The following ABCC6 variants were observed in gnomAD, a reference collection of about 807,000 sequenced individuals.
The protein encoded by ABCC6 is ATP binding cassette subfamily C member 6, also known as ATP-binding cassette sub-family C member 6.
In ABCC6, 126 loss-of-function variants were observed where a neutral mutation model predicts 169.5. The observed-to-expected ratio is 0.74, with a 90% CI of 0.64 to 0.86. ABCC6 has a LOEUF of 0.86. Ranked by LOEUF, ABCC6 falls within the 40% of genes least tolerant of loss-of-function variation. The pLI is 0.00. For missense variants in ABCC6, 1,733 were observed against 1,927.2 expected (o/e 0.90, Z 1.89); for synonymous variants, 752 against 814.7 (o/e 0.92, Z 1.31).
At chr16:16,152,885 G>A (rs2046430085) in intron 29 of ABCC6, among the ~76,000 whole-genome samples, 1 of 146,454 alleles carries the variant, frequency 6.8e-6, no homozygotes, top group African/African-American at 2.4e-5. Flanking sequence ...TATAAATCCA[G>A]AACACCTTAG....
intron 27 of ABCC6, among the ~76,000 whole-genome samples, chr16:16,156,859 C>G (rs1191857643): frequency 6.8e-6 from 1 of 147,566 alleles, no homozygotes; most frequent in Non-Finnish European, 1.5e-5. Context: ...AGGAGAATCA[C>G]TTGAATCTGG....
intron 4 of ABCC6, among the ~76,000 whole-genome samples, chr16:16,217,672 G>C (rs2048927822): frequency 6.6e-6 from 1 of 152,242 alleles, no homozygotes. Flanking sequence ...TATGGTCCCA[G>C]TATTATTGTT....
intron 22 of ABCC6, among the ~76,000 whole-genome samples, chr16:16,167,818 C>T (rs916705595): frequency 6.6e-6 from 1 of 152,162 alleles, no homozygotes; most frequent in Non-Finnish European, 1.5e-5. Flanking sequence ...ACCAATTTCT[C>T]TCTCTCAGCT....
chr16:16,156,722 T>C (rs1426447732), intron 27 of ABCC6, among the ~76,000 whole-genome samples: 1 of 149,276 alleles, frequency 6.7e-6, no homozygotes, highest in Non-Finnish European at 1.5e-5. Context: ...CCGAGGGGGG[T>C]GATTGAGGTC....
At chr16:16,200,243 C>T (rs2048193207) in intron 9 of ABCC6, among the ~76,000 whole-genome samples, 1 of 151,818 alleles carries the variant, frequency 6.6e-6, no homozygotes, top group African/African-American at 2.4e-5. Context: ...ACCAGCTTGG[C>T]CAACATGGTA....
chr16:16,166,814 C>T (rs1327412393), intron 22 of ABCC6, among the ~76,000 whole-genome samples: 1 of 152,102 alleles, frequency 6.6e-6, no homozygotes, highest in African/African-American at 2.4e-5. Flanking sequence ...ACACTGGAAC[C>T]CAGGAGGCAG....
chr16:16,182,627 G>T, intron 16 of ABCC6, 39 bp from the exon 17 acceptor site: 1 of 1,606,094 alleles, frequency 6.2e-7, no homozygotes, highest in Non-Finnish European at 8.5e-7. Flanking sequence ...AGGATGATGG[G>T]GACAGAGGTG....
Position 16,166,071 on chromosome 16 carries a change from G to A in ABCC6, c.2996-138C>T, listed in dbSNP as rs908822643. 3 of 868,748 alleles carry A rather than the reference G, an allele frequency of 3.5e-6. No individual in the cohort carries two copies. In the African/African-American group the frequency reaches 5.1e-5, roughly 15 times the overall value. 53.8% of individuals were successfully genotyped at this position (868,748 alleles called of 1,614,324 possible). ...CACCCTGATTATTATATTTTTTTGA[G>A]ACAGGGTCTCACTCTGTCACCCATG... On this transcript the variant is annotated intron_variant, in intron 22 of 30. Coordinates refer to ENST00000205557, the MANE Select transcript of ABCC6 (RefSeq NM_001171.6).
chr16:16,178,273 G>A (rs569342780), intron 18 of ABCC6, among the ~76,000 whole-genome samples: 3 of 152,240 alleles, frequency 2.0e-5, no homozygotes, highest in African/African-American at 7.2e-5. Flanking sequence ...CTTCCAGTGA[G>A]CGGAGATCGC....
At chr16:16,176,615 A>G (rs1366295155) in intron 19 of ABCC6, among the ~76,000 whole-genome samples, 2 of 152,224 alleles carry the variant, frequency 1.3e-5, no homozygotes, top group African/African-American at 4.8e-5. Flanking sequence ...GGCCAGTGCT[A>G]AGCAGATGTT....
At position 16,177,348 on chromosome 16, in the gene ABCC6, G is replaced by T; in HGVS notation, c.2590+104C>A. 4 of 1,324,658 alleles carry T rather than the reference G, an allele frequency of 3.0e-6. 1 individual carries two copies. In the South Asian group the frequency reaches 3.5e-5, roughly 12 times the overall value. 82.1% of individuals were successfully genotyped at this position (1,324,658 alleles called of 1,614,324 possible). A position where few individuals can be genotyped will look rare whatever the true frequency, so the allele number is the denominator to read the frequency against. On this transcript the variant is annotated intron_variant, in intron 19 of 30. Transcript: ENST00000205557. ...CTTCCAGGCCTAGGCCTGCAGACAG[G>T]GTGTGGCCAGAGCACTCCATTCATG...
Position 16,169,721 on chromosome 16 carries a change from C to T in ABCC6, c.2920G>A (p.Asp974Asn), listed in dbSNP as rs867208251. The part of the protein sequence containing the change: ...RGYWLSLWAD[D>N]PAVGGQQTQA... ...GTCTGCTGCCCACCTACTGCAGGGT[C>T]GTCCGCCCACAGGCTCAGCCAGTAG... Residue 974 changes from aspartate (D) to asparagine (N), a missense_variant, in exon 22 of 31, where the codon GAC becomes AAC. Around this residue, in one of 5 missense-constraint regions of ABCC6, gnomAD observed 1,601 missense variants for 1,635.5 expected, o/e 0.98. Coordinates refer to ENST00000205557, the MANE Select transcript of ABCC6 (RefSeq NM_001171.6). 6.2e-6 allele frequency: 10 copies of T among 1,610,370 alleles called. No homozygotes were observed. The highest frequency in any genetic ancestry group is 4.0e-5 in the African/African-American group (3 of 74,982).
chr16:16,179,957 G>C (rs2047416137), intron 17 of ABCC6, among the ~76,000 whole-genome samples: 1 of 152,138 alleles, frequency 6.6e-6, no homozygotes, highest in African/African-American at 2.4e-5. Context: ...TGGGAGCCCT[G>C]AGCTTGTTTT....
chr16:16,171,983 A>G (rs115157548), intron 21 of ABCC6, among the ~76,000 whole-genome samples: 285 of 84,938 alleles, frequency 3.4e-3, no homozygotes, highest in East Asian at 5.7e-3. Context: ...ATGGATAAAT[A>G]AGTGGATGGG....
chr16:16,188,760 G>T (rs2047738354), intron 13 of ABCC6, 71 bp downstream of exon 13: 3 of 1,542,090 alleles, frequency 1.9e-6, no homozygotes, highest in Non-Finnish European at 2.6e-6. Flanking sequence ...AATGGCAGGG[G>T]TAGGGAAGCT....
Position 16,203,547 on chromosome 16 carries a change from G to T in ABCC6, c.861C>A (p.Pro287=), listed in dbSNP as rs766642486. ...GSGMKAPETE[P]FLRQEGSQWR... ...ACTGGCTCCCTTCTTGCCGTAGGAA[G>T]GGCTCGGTCTCTGGAGCCTTCATGC... is the stretch of plus-strand genomic sequence containing the variant. Residue 287 remains proline (P), a synonymous_variant, in exon 8 of 31, where the codon CCC becomes CCA. Coordinates refer to ENST00000205557, the MANE Select transcript of ABCC6 (RefSeq NM_001171.6). The T allele has an allele frequency of 1.9e-6, 3 of 1,613,922 alleles. No homozygotes were observed. The East Asian group carries it at 6.7e-5, about 36-fold the overall frequency.
intron 11 of ABCC6, among the ~76,000 whole-genome samples, chr16:16,191,637 TCTTTC>T (rs199529931): frequency 4.2e-5 from 3 of 71,568 alleles, no homozygotes; most frequent in Non-Finnish European, 9.6e-5. Context: ...CTTTCTTCCC[TCTTTC>T]CTTTTATTTC....
chr16:16,169,363 G>A (rs2046983692), intron 22 of ABCC6, among the ~76,000 whole-genome samples: 2 of 152,164 alleles, frequency 1.3e-5, no homozygotes, highest in Non-Finnish European at 2.9e-5. Flanking sequence ...GAGGTTTGGG[G>A]GCAGGCACTG....
chr16:16,208,804 C>T lies in ABCC6; in HGVS notation c.718G>A (p.Gly240Arg), dbSNP rs752492902. ...PLRPKDLWSL[G>R]RENSSEELVS... Reference sequence around the variant, plus strand: ...AGTTCTTCTGAGGAGTTTTCTCTCCCAAGCGACCAGAGGTCTTTTGGTCTC... The same window carrying T: ...AGTTCTTCTGAGGAGTTTTCTCTCCTAAGCGACCAGAGGTCTTTTGGTCTC... The change falls in exon 7 of 31, where the codon GGG becomes AGG. Residue 240 changes from glycine (G) to arginine (R), a missense_variant. Physicochemically the swap from Gly to Arg is moderately radical, Grantham distance 125. This residue lies in a region of ABCC6 where 1,601 missense variants were observed against 1,635.5 expected (regional missense o/e 0.98). Coordinates refer to ENST00000205557, the MANE Select transcript of ABCC6 (RefSeq NM_001171.6). 44 of 1,613,448 alleles carry T rather than the reference C, an allele frequency of 2.7e-5. No homozygotes were observed. The East Asian group carries it at 9.6e-4, about 35-fold the overall frequency.
Sources: gnomAD v4.1 joint callset for allele counts (sites outside exome capture counted in the v4.1 genomes callset) on GRCh38, gnomAD v4.1.1 for gene constraint, gnomAD v4.1.1 regional missense constraint, MANE v1.5 for transcripts, NCBI Gene and HGNC (gene_info 2026-07-23, HGNC 2026-07-21) for gene names.